Variants in CLCN7 observed in about 807,000 individuals in gnomAD.
CLCN7 encodes Cl-/H+ antiporter 7.
A neutral mutation model predicts 102.1 loss-of-function variants in CLCN7; 60 were observed. The observed-to-expected ratio is 0.59, with a 90% CI of 0.48 to 0.73. The LOEUF (loss-of-function observed/expected upper bound fraction) is 0.73. Ranked by LOEUF, CLCN7 falls within the 30% of genes least tolerant of loss-of-function variation. The probability of loss-of-function intolerance (pLI) is 0.00; values close to 1 mark genes in which losing one functional copy is unlikely to be tolerated. For synonymous variants in CLCN7, 560 were observed against 490.5 expected (o/e 1.14, Z -1.87); for missense variants, 962 against 1,125.7 (o/e 0.85, Z 2.08).
chr16:1,475,014 GC>G lies in CLCN7; in HGVS notation c.-41del. On this transcript the variant is annotated 5_prime_UTR_variant, in exon 1 of 25. Transcript: ENST00000382745. The stretch of plus-strand genomic sequence containing the variant: ...CGACACCGGCCGGGAAGCGCCGGCT[GC>G]CCCCGTGTTTGTTCTCGTGACCCGC... 1.4e-6 allele frequency: 2 copies of G among 1,414,396 alleles called. No homozygotes were observed. The highest frequency in any genetic ancestry group is 1.9e-4 in the Middle Eastern group (1 of 5,278). The allele number at this position is 1,414,396 out of a possible 1,614,324, so 87.6% of individuals were successfully genotyped here.
intron 1 of CLCN7, chr16:1,467,871 G>T (rs957664091): frequency 2.0e-5 from 3 of 152,414 alleles, no homozygotes; most frequent in African/African-American, 7.2e-5. Context: ...GATCGCTTGA[G>T]CCCAGGAGTT....
At chr16:1,460,981 G>C (rs756456860) in intron 4 of CLCN7, 33 bp from the exon 5 acceptor site, 1 of 1,608,016 alleles carries the variant, frequency 6.2e-7, no homozygotes, top group Non-Finnish European at 8.5e-7. Context: ...GGGTCAGGCA[G>C]GGCCCTGGCG....
chr16:1,473,526 A>C (rs2039107910), intron 1 of CLCN7, among the ~76,000 whole-genome samples: 1 of 151,168 alleles, frequency 6.6e-6, no homozygotes, highest in Non-Finnish European at 1.5e-5. Flanking sequence ...GGCGCCCGCC[A>C]CCACGCCTGG....
chr16:1,472,958 G>A (rs2039097890), intron 1 of CLCN7, among the ~76,000 whole-genome samples: 1 of 149,318 alleles, frequency 6.7e-6, no homozygotes, highest in Non-Finnish European at 1.5e-5. Context: ...TTTTGAGACA[G>A]GGTTTCACTA....
At chr16:1,456,279 C>T in intron 9 of CLCN7, 73 bp from the exon 10 acceptor site, 1 of 1,125,344 alleles carries the variant, frequency 8.9e-7, no homozygotes, top group Non-Finnish European at 1.3e-6. Flanking sequence ...GAGCAACTGC[C>T]AGGACAGGGG....
intron 5 of CLCN7, 101 bp from the exon 6 acceptor site, chr16:1,460,628 G>A: frequency 1.6e-6 from 2 of 1,270,204 alleles, no homozygotes; most frequent in Non-Finnish European, 2.3e-6. Context: ...CCACCCTGCT[G>A]GGTGGAGCCA....
intron 12 of CLCN7, among the ~76,000 whole-genome samples, chr16:1,454,757 C>G (rs1253230047): frequency 6.6e-6 from 1 of 152,212 alleles, no homozygotes; most frequent in Non-Finnish European, 1.5e-5. Flanking sequence ...CCCCAGTTTC[C>G]TGCGCACAGA....
intron 6 of CLCN7, 76 bp downstream of exon 6, chr16:1,460,342 C>CA (rs2038913413): frequency 9.2e-7 from 1 of 1,082,244 alleles, no homozygotes; most frequent in Admixed American, 1.8e-5. Flanking sequence ...GGGTGAGCTG[C>CA]AGGGGTTCCC....
In CLCN7 at chr16:1,449,485, A is replaced by C. The variant is rs556344694; in HGVS notation, c.1618-158T>G. 78 of 675,266 alleles carry C rather than the reference A, an allele frequency of 1.2e-4. No homozygotes were observed. The African/African-American group carries it at 1.3e-3, about 11-fold the overall frequency. 41.8% of individuals were successfully genotyped at this position (675,266 alleles called of 1,614,324 possible). A position where few individuals can be genotyped will look rare whatever the true frequency, so the allele number is the denominator to read the frequency against. On this transcript the variant is annotated intron_variant, in intron 17 of 24. Coordinates refer to ENST00000382745, the MANE Select transcript of CLCN7 (RefSeq NM_001287.6). ...CACACAGAACAACCTAGCACAGTACACCCTGCTGCGGAGGCTGCATCCTTG... is the reference window on the plus strand; with the variant it reads ...CACACAGAACAACCTAGCACAGTACCCCCTGCTGCGGAGGCTGCATCCTTG...
chr16:1,456,629 G>A (rs1472323866), intron 9 of CLCN7, among the ~76,000 whole-genome samples: 2 of 152,092 alleles, frequency 1.3e-5, no homozygotes, highest in Non-Finnish European at 2.9e-5. Flanking sequence ...ACCTGAGGTC[G>A]GGAGTTTGAG....
At chr16:1,450,397 G>A (rs1047827635) in intron 17 of CLCN7, 100 bp downstream of exon 17, 44 of 1,143,244 alleles carry the variant, frequency 3.8e-5, no homozygotes, top group African/African-American at 5.0e-5. Context: ...CGTGAGGTGC[G>A]ACACTTTTGT....
Position 1,457,853 on chromosome 16 carries a change from G to C in CLCN7, c.676-97C>G. 1 of 1,273,440 alleles carries C rather than the reference G, an allele frequency of 7.9e-7. No homozygotes were observed. The highest frequency in any genetic ancestry group is 1.1e-6 in the Non-Finnish European group (1 of 881,338). The allele number at this position is 1,273,440 out of a possible 1,614,324, so 78.9% of individuals were successfully genotyped here. ...GCACACACAGCCCCGATCAGGCAGA[G>C]TGGCTGGGACACGGGGCCTCCGGGA... On this transcript the variant is annotated intron_variant, in intron 7 of 24. Coordinates refer to ENST00000382745, the MANE Select transcript of CLCN7 (RefSeq NM_001287.6). The surrounding 1 kb of genome is among the most constrained non-coding windows in gnomAD (Gnocchi z 5.4).
At position 1,446,288 on chromosome 16, in the gene CLCN7, AGGCACGCAGGTGCC is replaced by A. The variant is rs2038638314; in HGVS notation, c.*329_*342del. ...GGCTCTGTCTCACGCACACGGGCACAGGCACGCAGGTGCCGGCCCTGCCGCTGGCTCCCAAGAGG... is the reference window on the plus strand; with the variant it reads ...GGCTCTGTCTCACGCACACGGGCACAGGCCCTGCCGCTGGCTCCCAAGAGG... On this transcript the variant is annotated 3_prime_UTR_variant, in exon 25 of 25. Coordinates refer to ENST00000382745, the MANE Select transcript of CLCN7 (RefSeq NM_001287.6). 1.4e-6 allele frequency: 1 copy of A among 697,618 alleles called. No homozygotes were observed. Among genetic ancestry groups the A allele is most frequent in the African/African-American group, 1.7e-5 (1 of 57,170 alleles). The allele number at this position is 697,618 out of a possible 1,614,324, so 43.2% of individuals were successfully genotyped here.
At chr16:1,460,588 G>T in intron 5 of CLCN7, 61 bp from the exon 6 acceptor site, 1 of 1,413,220 alleles carries the variant, frequency 7.1e-7, no homozygotes. Context: ...CCAGACCTCA[G>T]CCCTGCCCCA....
Position 1,451,676 on chromosome 16 carries a change from G to C in CLCN7, c.1394C>G (p.Ala465Gly). 1 of 1,612,856 alleles carries C rather than the reference G, an allele frequency of 6.2e-7. No homozygotes were observed. Among genetic ancestry groups the C allele is most frequent in the Non-Finnish European group, 8.5e-7 (1 of 1,179,966 alleles). The change falls in exon 16 of 25, where the codon GCC becomes GGC. Residue 465 changes from alanine (A) to glycine (G), a missense_variant. By Grantham distance (60) the Ala-to-Gly change is moderately conservative (BLOSUM62 0). Transcript: ENST00000382745. The stretch of plus-strand genomic sequence containing the variant: ...GCTCTTCTCCGGGGTGTTGAAGAAG[G>C]CCGCAGCCATGGAGTTGTACTCGCC... ...ADGEYNSMAA[A>G]FFNTPEKSVV...
chr16:1,450,710 T>TAG (rs2038734384), intron 16 of CLCN7, 44 bp from the exon 17 acceptor site: 1 of 1,142,918 alleles, frequency 8.7e-7, no homozygotes, highest in Non-Finnish European at 1.2e-6. Flanking sequence ...GACTCCCGCC[T>TAG]CCGCAGGACT....
rs1238682208 is a variant in CLCN7 at position 1,475,014 on chromosome 16, G to GC, written c.-41dup. ...CGACACCGGCCGGGAAGCGCCGGCT[G>GC]CCCCCGTGTTTGTTCTCGTGACCCG... On this transcript the variant is annotated 5_prime_UTR_variant, in exon 1 of 25. Transcript: ENST00000382745. The GC allele has an allele frequency of 2.8e-6, 4 of 1,414,396 alleles. No individual in the cohort carries two copies. The highest frequency in any genetic ancestry group is 3.7e-6 in the Non-Finnish European group (4 of 1,081,258). The allele number at this position is 1,414,396 out of a possible 1,614,324, so 87.6% of individuals were successfully genotyped here. A position where few individuals can be genotyped will look rare whatever the true frequency, so the allele number is the denominator to read the frequency against.
At chr16:1,449,499 G>C (rs969220080) in intron 17 of CLCN7, 172 bp from the exon 18 acceptor site, 4 of 649,536 alleles carry the variant, frequency 6.2e-6, no homozygotes, top group African/African-American at 5.4e-5. Flanking sequence ...TGCTGCGGAG[G>C]CTGCATCCTT....
At position 1,446,986 on chromosome 16, in the gene CLCN7, C is replaced by A. The variant is rs766563507; in HGVS notation, c.2331+20G>T. The A allele has an allele frequency of 6.4e-7, 1 of 1,561,870 alleles. No homozygotes were observed. Among genetic ancestry groups the A allele is most frequent in the South Asian group, 1.2e-5 (1 of 85,642 alleles). ...GGGAGCCCTGCACGGCATGCCTGCA[C>A]CCCCACCGCCCCCGCTCACCTGATT... On this transcript the variant is annotated intron_variant, in intron 24 of 24. Coordinates refer to ENST00000382745, the MANE Select transcript of CLCN7 (RefSeq NM_001287.6).
Sources: allele counts gnomAD v4.1 joint callset (sites outside exome capture counted in the v4.1 genomes callset), GRCh38; gene constraint gnomAD v4.1.1; non-coding constraint Gnocchi (gnomAD v3.1); transcripts MANE v1.5; gene names NCBI Gene and HGNC (gene_info 2026-07-23, HGNC 2026-07-21).